The following CAPS2 variants were observed in gnomAD, a reference collection of about 807,000 sequenced individuals.
CAPS2 encodes calcyphosin-2.
Under a neutral mutation model 86.5 loss-of-function variants are expected in CAPS2, and 98 were observed. The observed-to-expected ratio is 1.13, with a 90% CI of 0.96 to 1.34. The LOEUF (loss-of-function observed/expected upper bound fraction) is 1.34. CAPS2 is among the 40% of genes most tolerant of loss of function. CAPS2 has a pLI of 0.00. For synonymous variants in CAPS2, 210 were observed against 225.1 expected, an observed-to-expected ratio of 0.93 and a Z score of 0.60; for missense variants, 729 against 686.8, an observed-to-expected ratio of 1.06 and a Z score of -0.69.
At chr12:75,345,477 C>T (rs1347974329) in intron 1 of CAPS2, among the ~76,000 whole-genome samples, 1 of 152,154 alleles carries the variant, frequency 6.6e-6, no homozygotes, top group Non-Finnish European at 1.5e-5. Flanking sequence ...TAACCTTCTT[C>T]TCTAGACTTA....
chr12:75,388,553 G>A (rs981130786), intron 1 of CAPS2, among the ~76,000 whole-genome samples: 1 of 152,098 alleles, frequency 6.6e-6, no homozygotes, highest in African/African-American at 2.4e-5. Flanking sequence ...ACTACATACT[G>A]TATGACTCCA....
intron 1 of CAPS2, chr12:75,360,605 G>A (rs1287839388): frequency 3.3e-5 from 5 of 152,174 alleles, no homozygotes; most frequent in Non-Finnish European, 7.3e-5. Context: ...GGTTCCCATG[G>A]CCTTAGGCAG....
chr12:75,366,908 T>G (rs1442398237), intron 1 of CAPS2: 1 of 701,730 alleles, frequency 1.4e-6, no homozygotes, highest in African/African-American at 1.7e-5. Flanking sequence ...CCACTGCATG[T>G]CAAAAGGGGT....
rs904818981 is a variant in CAPS2, at chr12:75,325,631, G to T, written c.82-343C>A. ...CTTGTTTTTTTTTGTTTGTTTTTTT[G>T]TTTGTTTGTTTTGTTTTTTTCTTAA... On this transcript the variant is annotated intron_variant, in intron 1 of 16. Transcript: ENST00000393284. Among the ~76,000 whole-genome samples the T allele has an allele frequency of 3.3e-5, 5 of 151,762 alleles. No homozygotes were observed. The South Asian group carries it at 6.3e-4, about 19-fold the overall frequency.
At chr12:75,306,026 C>T in intron 7 of CAPS2, 10 of 1,467,520 alleles carry the variant, frequency 6.8e-6, no homozygotes, top group Non-Finnish European at 8.4e-6. Context: ...CCTCATTCTA[C>T]TTGAAGGGCC....
chr12:75,351,933 T>C (rs1207828421), intron 1 of CAPS2, among the ~76,000 whole-genome samples: 1 of 151,938 alleles, frequency 6.6e-6, no homozygotes, highest in East Asian at 1.9e-4. Flanking sequence ...AGAAATGAGA[T>C]TTTTTTTCAG....
At chr12:75,378,654 C>T (rs1171355370) in intron 1 of CAPS2, among the ~76,000 whole-genome samples, 1 of 152,164 alleles carries the variant, frequency 6.6e-6, no homozygotes, top group African/African-American at 2.4e-5. Context: ...AGTCTTTGTA[C>T]TTAAGGCCTT....
At chr12:75,308,163 T>G (rs914095361) in intron 7 of CAPS2, among the ~76,000 whole-genome samples, 1 of 152,204 alleles carries the variant, frequency 6.6e-6, no homozygotes, top group Non-Finnish European at 1.5e-5. Flanking sequence ...TCACTTTCCA[T>G]GACCAATCAG....
At chr12:75,304,841 A>G (rs1436815186) in exon 8 of CAPS2, 1 of 1,612,222 alleles carries the variant, frequency 6.2e-7, no homozygotes, top group South Asian at 1.1e-5. Flanking sequence ...TTTTTGCTCA[A>G]TGGCTAAATT....
chr12:75,282,264 A>G, exon 16 of CAPS2: 3 of 1,563,744 alleles, frequency 1.9e-6, no homozygotes, highest in Non-Finnish European at 2.6e-6. Context: ...AAATTACTTG[A>G]GAATGCTTCT....
downstream of CAPS2, chr12:75,276,172 C>T: frequency 6.6e-7 from 1 of 1,523,848 alleles, no homozygotes. Flanking sequence ...TTTATATATG[C>T]CCATTACCTT....
chr12:75,369,021 G>A (rs1450485156), intron 1 of CAPS2, among the ~76,000 whole-genome samples: 2 of 151,270 alleles, frequency 1.3e-5, no homozygotes, highest in Non-Finnish European at 1.5e-5. Context: ...TCTCTTTTTT[G>A]TTGATCAATC....
chr12:75,301,847 T>C (rs959831302), intron 8 of CAPS2, among the ~76,000 whole-genome samples: 2 of 152,096 alleles, frequency 1.3e-5, no homozygotes, highest in African/African-American at 4.8e-5. Context: ...CCATGTTGGG[T>C]TTTAGATGCC....
chr12:75,293,349 A>G (rs2036335327), exon 12 of CAPS2: 1 of 1,611,610 alleles, frequency 6.2e-7, no homozygotes, highest in Non-Finnish European at 8.5e-7. Flanking sequence ...TCAGAACTCA[A>G]AAATGTCAAG....
intron 1 of CAPS2, among the ~76,000 whole-genome samples, chr12:75,345,274 T>TC (rs2042375103): frequency 1.3e-5 from 2 of 152,132 alleles, no homozygotes; most frequent in Non-Finnish European, 2.9e-5. Context: ...TCTTTTTTTT[T>TC]CTGCAAATCT....
In CAPS2 at chr12:75,325,302, A is replaced by G; in HGVS notation, c.82-14T>C. On this transcript the variant is annotated splice_polypyrimidine_tract_variant and intron_variant, in intron 1 of 16. Transcript: ENST00000393284. The stretch of plus-strand genomic sequence containing the variant: ...AGTCCACCTTTGCTTTAATTAAAAA[A>G]AAAACTTTTTGAATCAGTATAAATA... The G allele has an allele frequency of 6.5e-7, 1 of 1,535,856 alleles. No homozygotes were observed. The highest frequency in any genetic ancestry group is 1.4e-5 in the African/African-American group (1 of 72,368).
At chr12:75,365,551 A>T (rs571232337) in intron 1 of CAPS2, among the ~76,000 whole-genome samples, 16 of 152,248 alleles carry the variant, frequency 1.1e-4, no homozygotes, top group African/African-American at 1.9e-4. Context: ...ATACATTTTT[A>T]AAAAAATGTT....
At chr12:75,305,550 C>A in intron 7 of CAPS2, 1 of 625,776 alleles carries the variant, frequency 1.6e-6, no homozygotes, top group East Asian at 3.6e-5. Flanking sequence ...TTCCTCCGTC[C>A]GCGACCCTGG....
chr12:75,293,485 A>G (rs1053785975), intron 11 of CAPS2, 118 bp from the exon 12 acceptor site: 87 of 702,216 alleles, frequency 1.2e-4, no homozygotes, highest in Non-Finnish European at 1.9e-4. Context: ...AACAAGGGTA[A>G]GAAGTATATT....
Sources: gnomAD v4.1 joint callset for allele counts (sites outside exome capture counted in the v4.1 genomes callset) on GRCh38, gnomAD v4.1.1 for gene constraint, MANE v1.5 for transcripts, NCBI Gene and HGNC (gene_info 2026-07-23, HGNC 2026-07-21) for gene names.